The following USH2A variants were observed in gnomAD, a reference collection of about 807,000 sequenced individuals.
The protein encoded by USH2A is Usher syndrome 2A (autosomal recessive, mild).
USH2A carries 443 observed loss-of-function variants against 538.9 expected under a neutral mutation model. The observed-to-expected ratio is 0.82, with a 90% CI of 0.76 to 0.89. The LOEUF is 0.89. Ranked by LOEUF, USH2A falls within the 40% of genes least tolerant of loss-of-function variation. The pLI is 0.00. For synonymous variants in USH2A, 2,413 were observed against 2,273.5 expected (o/e 1.06, Z -1.75); for missense variants, 6,633 against 6,324.8 (o/e 1.05, Z -1.65).
intron 9 of USH2A, among the ~76,000 whole-genome samples, chr1:216,307,240 G>T (rs1235509145): frequency 6.6e-6 from 1 of 152,132 alleles, no homozygotes; most frequent in African/African-American, 2.4e-5. Flanking sequence ...AGGCCTTGCT[G>T]AAGCTGCTCT....
chr1:216,222,870 CG>C (rs2035483636), intron 14 of USH2A, among the ~76,000 whole-genome samples: 1 of 151,330 alleles, frequency 6.6e-6, no homozygotes, highest in African/African-American at 2.4e-5. Context: ...CACAGCTACT[CG>C]GGAGGCTGAG....
chr1:215,688,457 G>A (rs1362503734), intron 61 of USH2A, among the ~76,000 whole-genome samples: 1 of 152,080 alleles, frequency 6.6e-6, no homozygotes, highest in Non-Finnish European at 1.5e-5. Flanking sequence ...ACTCATTCTG[G>A]CTGATGTGTG....
At chr1:215,811,607 TA>T (rs35296453) in intron 49 of USH2A, among the ~76,000 whole-genome samples, 80,421 of 151,486 alleles carry the variant, frequency 0.53, 21,460 homozygotes, top group Admixed American at 0.65. Flanking sequence ...TGCACTATCC[TA>T]AAAAAAACCC....
At chr1:216,323,276 T>TTATATATATA (rs67957139) in intron 8 of USH2A, among the ~76,000 whole-genome samples, 198 bp downstream of exon 8, 18 of 137,106 alleles carry the variant, frequency 1.3e-4, no homozygotes, top group African/African-American at 4.5e-4. Context: ...AAAATACGTT[T>TTATATATATA]TATATATATA....
At chr1:216,392,544 C>T (rs1212427639) in intron 3 of USH2A, among the ~76,000 whole-genome samples, 1 of 149,734 alleles carries the variant, frequency 6.7e-6, no homozygotes, top group Non-Finnish European at 1.5e-5. Context: ...TCCCTGAACT[C>T]TCACACTAGG....
intron 32 of USH2A, among the ~76,000 whole-genome samples, chr1:216,029,650 T>C (rs1669044956): frequency 1.3e-5 from 2 of 151,910 alleles, no homozygotes; most frequent in African/African-American, 4.8e-5. Context: ...CAAACCAGGA[T>C]ATATAGGGTC....
chr1:216,309,611 C>T (rs1397161849), intron 9 of USH2A, among the ~76,000 whole-genome samples: 1 of 151,930 alleles, frequency 6.6e-6, no homozygotes, highest in African/African-American at 2.4e-5. Context: ...AGGAAACATT[C>T]TTGTCTTATT....
intron 4 of USH2A, among the ~76,000 whole-genome samples, chr1:216,334,835 T>A (rs138902686): frequency 6.1e-4 from 92 of 151,918 alleles, no homozygotes; most frequent in African/African-American, 2.1e-3. Flanking sequence ...AGAGAAAAAT[T>A]CACCATTTAA....
intron 9 of USH2A, among the ~76,000 whole-genome samples, chr1:216,320,255 G>T (rs2037581041): frequency 6.6e-6 from 1 of 151,980 alleles, no homozygotes; most frequent in South Asian, 2.1e-4. Flanking sequence ...AAAAGAGGCT[G>T]GCTTCTGGCT....
intron 44 of USH2A, among the ~76,000 whole-genome samples, chr1:215,857,833 A>C (rs369377238): frequency 1.4e-4 from 11 of 80,916 alleles, no homozygotes; most frequent in African/African-American, 7.5e-4. Context: ...ATCTTTTGAA[A>C]GGGTGGTTTC....
intron 30 of USH2A, among the ~76,000 whole-genome samples, chr1:216,064,736 A>G (rs1291129664): frequency 6.6e-6 from 1 of 152,186 alleles, no homozygotes; most frequent in Non-Finnish European, 1.5e-5. Context: ...TCCCTACACT[A>G]TTCAATAGAG....
chr1:216,391,732 C>A (rs2102747152), intron 3 of USH2A, among the ~76,000 whole-genome samples: 1 of 152,294 alleles, frequency 6.6e-6, no homozygotes, highest in Admixed American at 6.5e-5. Flanking sequence ...AACAAGAGAA[C>A]TAAGGTGAGT....
chr1:215,800,712 T>A (rs187711901), intron 49 of USH2A, among the ~76,000 whole-genome samples: 1 of 152,176 alleles, frequency 6.6e-6, no homozygotes, highest in African/African-American at 2.4e-5. Flanking sequence ...AATAAGACAA[T>A]AACTCTCAGC....
At chr1:216,071,017 T>C (rs1164695302) in intron 29 of USH2A, among the ~76,000 whole-genome samples, 3 of 152,162 alleles carry the variant, frequency 2.0e-5, no homozygotes, top group African/African-American at 7.2e-5. Flanking sequence ...TTAAAAAATC[T>C]ATTACCTTTA....
At chr1:216,304,069 C>T (rs2037268469) in intron 9 of USH2A, among the ~76,000 whole-genome samples, 1 of 151,718 alleles carries the variant, frequency 6.6e-6, no homozygotes, top group Admixed American at 6.6e-5. Flanking sequence ...GGAAATTATA[C>T]TGAAATATTA....
intron 37 of USH2A, among the ~76,000 whole-genome samples, chr1:215,958,884 T>A (rs1667132238): frequency 2.0e-5 from 3 of 152,118 alleles, no homozygotes; most frequent in Admixed American, 1.3e-4. Context: ...CCCTAGCAAC[T>A]GTTGGAAAAA....
At chr1:216,113,137 TAAAAAA>T (rs71159901) in intron 21 of USH2A, among the ~76,000 whole-genome samples, 5 of 127,578 alleles carry the variant, frequency 3.9e-5, no homozygotes, top group Admixed American at 7.7e-5. Context: ...CTCCAAATGA[TAAAAAA>T]AAAAAAAAAA....
chr1:215,900,330 T>C, intron 39 of USH2A, 113 bp from the exon 40 acceptor site: 4 of 1,121,506 alleles, frequency 3.6e-6, no homozygotes, highest in Admixed American at 4.0e-5. Context: ...ATTTAAGTAT[T>C]GTAATTTTCT....
chr1:216,084,693 A>T lies in USH2A; in HGVS notation c.5167+5T>A, dbSNP rs1322372686. 6.2e-7 allele frequency: 1 copy of T among 1,612,606 alleles called. No individual in the cohort carries two copies. Among genetic ancestry groups the T allele is most frequent in the African/African-American group, 1.3e-5 (1 of 74,872 alleles). On this transcript the variant is annotated splice_donor_5th_base_variant and intron_variant, in intron 25 of 71. Coordinates refer to ENST00000307340, the MANE Select transcript of USH2A (RefSeq NM_206933.4). ...TGAACACTCATGTCTTTTTTAGAGC[A>T]TTACCTGCTCCTAGGAACTGAGCTC...
Sources: allele counts gnomAD v4.1 joint callset (sites outside exome capture counted in the v4.1 genomes callset), GRCh38; gene constraint gnomAD v4.1.1; transcripts MANE v1.5; gene names NCBI Gene and HGNC (gene_info 2026-07-23, HGNC 2026-07-21).